TMEM94: variants seen among roughly 807,000 people sequenced by gnomAD.
TMEM94 encodes the protein ER Mg2+ ATPase.
A neutral mutation model predicts 158.6 loss-of-function variants in TMEM94; 81 were observed. That is an observed-to-expected ratio of 0.51 (90% CI 0.43 to 0.61). The LOEUF (loss-of-function observed/expected upper bound fraction) is 0.61, where lower values mean the gene tolerates loss of function less well. TMEM94 is among the 20% of genes least tolerant of loss of function. The pLI is 0.00. For missense variants in TMEM94, 1,435 were observed against 1,762.0 expected (o/e 0.81, Z 3.32); for synonymous variants, 751 against 730.7 (o/e 1.03, Z -0.45).
chr17:75,496,172 A>G (rs983201630), intron 23 of TMEM94, 98 bp downstream of exon 23: 2 of 1,544,772 alleles, frequency 1.3e-6, no homozygotes, highest in Non-Finnish European at 1.8e-6. Context: ...ACTATAGCCG[A>G]CCTCGCCCTG....
rs1019295186 is a variant in TMEM94 at position 75,494,767 on chromosome 17, C to T, written c.2548C>T (p.Arg850Cys). 4 of 1,613,668 alleles carry T rather than the reference C, an allele frequency of 2.5e-6. No individual in the cohort carries two copies. The highest frequency in any genetic ancestry group is 1.1e-5 in the South Asian group (1 of 91,086). The stretch of plus-strand genomic sequence containing the variant: ...TGATGGGCTTGTCAACGCCTGCATC[C>T]GCTTTGTCTACTTCTCTTTGGAGGA... ...LIDGLVNACI[R>C]FVYFSLEDEL... The change falls in exon 19 of 32, where the codon CGC (arginine) becomes TGC (cysteine). Residue 850 changes from arginine (R) to cysteine (C), a missense_variant. By Grantham distance (180) the Arg-to-Cys change is radical (BLOSUM62 -3). Coordinates refer to ENST00000314256, the MANE Select transcript of TMEM94 (RefSeq NM_014738.6).
In TMEM94 at chr17:75,495,532, T is replaced by C; in HGVS notation, c.2845-12T>C. The C allele has an allele frequency of 6.2e-7, 1 of 1,613,168 alleles. No individual in the cohort carries two copies. Among genetic ancestry groups the C allele is most frequent in the Non-Finnish European group, 8.5e-7 (1 of 1,179,764 alleles). On this transcript the variant is annotated splice_polypyrimidine_tract_variant and intron_variant, in intron 21 of 31. Transcript: ENST00000314256. This position sits in a 1 kb window ranked among gnomAD's most constrained non-coding sequence, Gnocchi z 5.6. ...CCCATCCCGAAGCCGCTGGCATCTC[T>C]GCTTTCTCCAGGCCAAGCTGCCCCG...
rs1364031149 is a variant in TMEM94 at position 75,487,723 on chromosome 17, G to T, written c.410-209G>T. Among the ~76,000 whole-genome samples, 2 of 152,210 alleles carry T rather than the reference G, an allele frequency of 1.3e-5. No individual in the cohort carries two copies. Among genetic ancestry groups the T allele is most frequent in the Non-Finnish European group, 2.9e-5 (2 of 68,032 alleles). On this transcript the variant is annotated intron_variant, in intron 5 of 31. Coordinates refer to ENST00000314256, the MANE Select transcript of TMEM94 (RefSeq NM_014738.6). This position sits in a 1 kb window ranked among gnomAD's most constrained non-coding sequence, Gnocchi z 4.6. ...CGAGAGCTCCAGGTGTTGAGAGGAG[G>T]TAGAGGCTCTGGGGCTGGAGTGGCC...
chr17:75,465,288 A>C (rs1472585668), intron 1 of TMEM94, among the ~76,000 whole-genome samples: 2 of 152,090 alleles, frequency 1.3e-5, no homozygotes, highest in African/African-American at 4.8e-5. Context: ...CTGAAATTAC[A>C]GGCGTGAGCC....
rs2087606650 is a variant in TMEM94, at chr17:75,492,479, G to A, written c.1602G>A (p.Gln534=). The A allele has an allele frequency of 6.3e-7, 1 of 1,578,644 alleles. No individual in the cohort carries two copies. The highest frequency in any genetic ancestry group is 8.6e-7 in the Non-Finnish European group (1 of 1,158,542). Reference sequence around the variant, plus strand: ...CTCCTCCACATTTCCCCCAGACCCAGCCTGGGATGGAGAGCGACCCCTACG... The same window carrying A: ...CTCCTCCACATTTCCCCCAGACCCAACCTGGGATGGAGAGCGACCCCTACG... ...EGGEEEPSKT[Q]PGMESDPYEA... The change falls in exon 15 of 32, where the codon CAG becomes CAA. Residue 534 remains glutamine, a synonymous_variant. Coordinates refer to ENST00000314256, the MANE Select transcript of TMEM94 (RefSeq NM_014738.6). The surrounding 1 kb of genome is among the most constrained non-coding windows in gnomAD (Gnocchi z 4.4).
intron 2 of TMEM94, chr17:75,476,863 C>T: frequency 6.9e-7 from 1 of 1,441,398 alleles, no homozygotes; most frequent in Non-Finnish European, 9.3e-7. Context: ...AAATGGGAGG[C>T]TGCTTGAATG....
rs1251894209 is a variant in TMEM94, at chr17:75,493,581, C to T, written c.2177C>T (p.Ser726Leu). 1.7e-5 allele frequency: 28 copies of T among 1,613,826 alleles called. No homozygotes were observed. Among genetic ancestry groups the T allele is most frequent in the Middle Eastern group, 3.3e-4 (2 of 6,084 alleles). ...GACGGAGCTGACATCTACCCTCTCT[C>T]GGGATCTGACAGGTGGGTGAGGAAG... is the stretch of plus-strand genomic sequence containing the variant. The part of the protein sequence containing the change: ...FWDGADIYPL[S>L]GSDRKKVLDF... The change falls in exon 17 of 32, where the codon TCG becomes TTG. Residue 726 changes from serine to leucine, a missense_variant. Ser to Leu is a moderately radical substitution (Grantham distance 145, BLOSUM62 -2). Transcript: ENST00000314256.
chr17:75,484,228 A>G (rs2051396906), intron 2 of TMEM94, among the ~76,000 whole-genome samples: 1 of 151,964 alleles, frequency 6.6e-6, no homozygotes, highest in African/African-American at 2.4e-5. Context: ...GTGTTACAAT[A>G]TCCTCTCTTT....
rs747847280 is a variant in TMEM94, at chr17:75,490,346, C to G, written c.1067C>G (p.Ser356Cys). 6.2e-7 allele frequency: 1 copy of G among 1,612,908 alleles called. No homozygotes were observed. The highest frequency in any genetic ancestry group is 2.2e-5 in the East Asian group (1 of 44,870). ...CAGATGAGCAAGGCCTCACCCAGCT[C>G]CCTGGTAGGTTTTTCCAAGGTGTCT... is the stretch of plus-strand genomic sequence containing the variant. ...LAQMSKASPSSLLAKFSEDTL... is the reference protein window; with the variant it reads ...LAQMSKASPSCLLAKFSEDTL... The change falls in exon 10 of 32, where the codon TCC becomes TGC. Residue 356 changes from serine to cysteine, a missense_variant. Transcript: ENST00000314256.
intron 2 of TMEM94, among the ~76,000 whole-genome samples, chr17:75,483,260 C>T (rs2051316767): frequency 6.6e-6 from 1 of 152,078 alleles, no homozygotes. Context: ...GTAAATAGGT[C>T]ATTTGACCAA....
At chr17:75,460,420 C>T (rs147364573) in intron 1 of TMEM94, among the ~76,000 whole-genome samples, 12 of 151,986 alleles carry the variant, frequency 7.9e-5, no homozygotes, top group African/African-American at 2.9e-4. Flanking sequence ...ACTGAAAGAG[C>T]GTAAACCTTC....
chr17:75,461,345 CT>C (rs1416640496), intron 1 of TMEM94, among the ~76,000 whole-genome samples: 6 of 151,970 alleles, frequency 3.9e-5, no homozygotes, highest in South Asian at 2.1e-4. Context: ...GATGATCCGC[CT>C]GCTTCGGCCT....
In TMEM94 at chr17:75,499,315, G is replaced by A; in HGVS notation, c.4052G>A (p.Gly1351Asp). 6.2e-7 allele frequency: 1 copy of A among 1,613,716 alleles called. No homozygotes were observed. The highest frequency in any genetic ancestry group is 8.5e-7 in the Non-Finnish European group (1 of 1,179,968). ...RQKLQFETKL[G>D]MNSPF ...AAGCTGCAGTTTGAAACTAAGCTGG[G>A]CATGAACTCTCCCTTCTGAGCCACT... The change falls in exon 32 of 32, where the codon GGC (glycine) becomes GAC (aspartate). Residue 1351 changes from glycine to aspartate, a missense_variant. By Grantham distance (94) the Gly-to-Asp change is moderately conservative. Transcript: ENST00000314256.
chr17:75,494,925 A>G lies in TMEM94; in HGVS notation c.2619A>G (p.Thr873=). The G allele has an allele frequency of 6.2e-7, 1 of 1,613,472 alleles. No individual in the cohort carries two copies. The highest frequency in any genetic ancestry group is 8.5e-7 in the Non-Finnish European group (1 of 1,180,016). Residue 873 remains threonine, a synonymous_variant, in exon 20 of 32, where the codon ACA becomes ACG. Coordinates refer to ENST00000314256, the MANE Select transcript of TMEM94 (RefSeq NM_014738.6). ...KVFAEKMGLE[T]GWNCHISLTP... Reference sequence around the variant, plus strand: ...TTGCAGAAAAAATGGGCCTGGAGACAGGCTGGAACTGCCACATCTCCCTCA... The same window carrying G: ...TTGCAGAAAAAATGGGCCTGGAGACGGGCTGGAACTGCCACATCTCCCTCA...
intron 1 of TMEM94, among the ~76,000 whole-genome samples, chr17:75,469,284 C>G (rs2146199197): frequency 6.6e-6 from 1 of 152,192 alleles, no homozygotes; most frequent in South Asian, 2.1e-4. Context: ...CCAGCTGCCC[C>G]CTTATTATCC....
At chr17:75,480,511 G>A (rs1360846776) in intron 2 of TMEM94, among the ~76,000 whole-genome samples, 2 of 152,252 alleles carry the variant, frequency 1.3e-5, no homozygotes, top group Non-Finnish European at 2.9e-5. Flanking sequence ...GAGACAGCAA[G>A]AGAGCAGATG....
chr17:75,472,389 G>C (rs56221501), intron 2 of TMEM94, among the ~76,000 whole-genome samples: 9,130 of 152,302 alleles, frequency 0.06, 897 homozygotes, highest in African/African-American at 0.2. Flanking sequence ...CCAGCCATAA[G>C]ATTGGTCTTC....
At chr17:75,478,218 C>T (rs1359964530) in intron 2 of TMEM94, among the ~76,000 whole-genome samples, 123 of 140,484 alleles carry the variant, frequency 8.8e-4, no homozygotes, top group Admixed American at 2.8e-3. Context: ...GGGGTTTCAC[C>T]GTTTTAGCCG....
At chr17:75,493,251 G>T in intron 16 of TMEM94, 149 bp downstream of exon 16, 1 of 963,786 alleles carries the variant, frequency 1.0e-6, no homozygotes, top group Non-Finnish European at 1.5e-6. Flanking sequence ...GGCTGGAATT[G>T]GGGACCAGGG....
Sources: gnomAD v4.1 joint callset for allele counts (sites outside exome capture counted in the v4.1 genomes callset) on GRCh38, gnomAD v4.1.1 for gene constraint, Gnocchi (gnomAD v3.1) non-coding constraint, MANE v1.5 for transcripts, NCBI Gene and HGNC (gene_info 2026-07-23, HGNC 2026-07-21) for gene names.